Variants in PDE8B observed in about 807,000 individuals in gnomAD.
PDE8B encodes the protein phosphodiesterase 8B.
In PDE8B, 26 loss-of-function variants were observed where a neutral mutation model predicts 101.3. The ratio of observed to expected loss-of-function variants is 0.26; its 90% CI spans 0.19 to 0.36. PDE8B has a LOEUF of 0.36. Among genes scored for constraint, PDE8B ranks in the 10% least tolerant of loss-of-function variants. The probability of loss-of-function intolerance (pLI) is 1.00; values close to 1 mark genes in which losing one functional copy is unlikely to be tolerated. For missense variants in PDE8B, 810 were observed against 1,163.1 expected (o/e 0.70, Z 4.42); for synonymous variants, 424 against 429.3 (o/e 0.99, Z 0.15).
At chr5:77,127,458 G>A in the PDE8B span, among the ~76,000 whole-genome samples, 1 of 152,188 alleles carries the variant, frequency 6.6e-6, no homozygotes, top group East Asian at 1.9e-4. Context: ...CAGCTATGCA[G>A]AACTGTGAGT....
intron 2 of PDE8B, 60 bp from the exon 3 acceptor site, chr5:77,325,478 GT>G (rs1359737625): frequency 9.2e-6 from 14 of 1,517,884 alleles, no homozygotes; most frequent in Non-Finnish European, 1.3e-5. Flanking sequence ...CACTAGGCTT[GT>G]TTTTAATAGT....
chr5:77,089,993 A>C, the PDE8B span, among the ~76,000 whole-genome samples: 1 of 152,238 alleles, frequency 6.6e-6, no homozygotes, highest in Non-Finnish European at 1.5e-5. Context: ...TTGCAGCAAC[A>C]TGCAGGGAAC....
the PDE8B span, among the ~76,000 whole-genome samples, chr5:77,190,548 A>G: frequency 1.3e-5 from 2 of 152,230 alleles, no homozygotes; most frequent in Admixed American, 6.5e-5. Context: ...GTGAGGCTCA[A>G]TGAGAAGCCA....
chr5:77,284,498 T>A (rs1248422557), intron 1 of PDE8B, among the ~76,000 whole-genome samples: 1 of 152,188 alleles, frequency 6.6e-6, no homozygotes, highest in East Asian at 1.9e-4. Context: ...ACTTTTTGAT[T>A]GAAGAATAAT....
the PDE8B span, among the ~76,000 whole-genome samples, chr5:77,193,657 G>A: frequency 2.0e-5 from 3 of 152,026 alleles, no homozygotes; most frequent in African/African-American, 7.2e-5. Context: ...TAGGTCAATT[G>A]CATTTCTACA....
the PDE8B span, chr5:77,180,411 C>G: frequency 4.1e-6 from 4 of 981,512 alleles, no homozygotes; most frequent in African/African-American, 7.0e-5. Context: ...GCGCCAGGCA[C>G]GGGCACCACC....
chr5:77,161,447 T>C, the PDE8B span, among the ~76,000 whole-genome samples: 1 of 152,186 alleles, frequency 6.6e-6, no homozygotes, highest in Admixed American at 6.5e-5. Context: ...AATTTGATTA[T>C]CCATTCACCT....
At chr5:77,425,458 CAGA>C (rs1040792711) in intron 20 of PDE8B, among the ~76,000 whole-genome samples, 7 of 152,118 alleles carry the variant, frequency 4.6e-5, no homozygotes, top group African/African-American at 1.7e-4. Flanking sequence ...GAGGCTGAGG[CAGA>C]AGAATTGCTT....
rs146810753 is a variant in PDE8B at position 77,397,895 on chromosome 5, A to G, written c.1168-2353A>G. On this transcript the variant is annotated intron_variant, in intron 10 of 21. Transcript: ENST00000264917. ...TCAGCAACTCTCACAGTAAAAAGTA[A>G]TCTCTGTACCCCACCCCCCGCCTCC... 1.3e-3 allele frequency among the ~76,000 whole-genome samples: 193 copies of G among 152,180 alleles called. 1 individual carries two copies. The highest frequency in any genetic ancestry group is 4.3e-3 in the African/African-American group (179 of 41,512).
chr5:77,396,861 T>C (rs1791169332), intron 10 of PDE8B, among the ~76,000 whole-genome samples: 1 of 152,038 alleles, frequency 6.6e-6, no homozygotes, highest in Non-Finnish European at 1.5e-5. Flanking sequence ...TAACTCGTAG[T>C]AACCCTAATT....
At chr5:77,398,681 G>T (rs563822825) in intron 10 of PDE8B, among the ~76,000 whole-genome samples, 1 of 152,200 alleles carries the variant, frequency 6.6e-6, no homozygotes, top group South Asian at 2.1e-4. Context: ...TCATCTTACC[G>T]CACTGGCTGC....
intron 6 of PDE8B, among the ~76,000 whole-genome samples, chr5:77,337,605 G>A (rs1455615751): frequency 1.3e-5 from 2 of 152,098 alleles, no homozygotes; most frequent in African/African-American, 4.8e-5. Flanking sequence ...TCGAGATTAG[G>A]AATAGCCTTG....
chr5:77,179,411 C>T, the PDE8B span, among the ~76,000 whole-genome samples: 1 of 152,172 alleles, frequency 6.6e-6, no homozygotes, highest in South Asian at 2.1e-4. Flanking sequence ...CTTGCAAATG[C>T]TCTCTAGACC....
intron 19 of PDE8B, among the ~76,000 whole-genome samples, chr5:77,421,018 G>C (rs1240718036): frequency 6.6e-6 from 1 of 152,190 alleles, no homozygotes; most frequent in Non-Finnish European, 1.5e-5. Flanking sequence ...CAATTTGATG[G>C]TGTCTTTAAA....
chr5:77,241,995 C>G (rs1363671826), intron 1 of PDE8B, among the ~76,000 whole-genome samples: 2 of 152,210 alleles, frequency 1.3e-5, no homozygotes, highest in African/African-American at 4.8e-5. Context: ...CAAATTCACG[C>G]AAGGTGTATG....
the PDE8B span, among the ~76,000 whole-genome samples, chr5:77,102,490 A>C: frequency 2.0e-5 from 3 of 152,198 alleles, no homozygotes; most frequent in African/African-American, 7.2e-5. Context: ...GGATTAAATG[A>C]AGTGAGTTGC....
chr5:77,421,089 G>C (rs1385080511), intron 19 of PDE8B, among the ~76,000 whole-genome samples: 1 of 152,152 alleles, frequency 6.6e-6, no homozygotes, highest in Non-Finnish European at 1.5e-5. Flanking sequence ...GTACCAACTC[G>C]TGTCCTGGCC....
intron 1 of PDE8B, among the ~76,000 whole-genome samples, chr5:77,299,116 A>G (rs1769284990): frequency 6.6e-6 from 1 of 152,190 alleles, no homozygotes; most frequent in African/African-American, 2.4e-5. Flanking sequence ...TGCCTGTCTT[A>G]CACAAAGGCC....
chr5:77,325,233 T>A (rs1007263466), intron 2 of PDE8B, among the ~76,000 whole-genome samples: 1 of 152,210 alleles, frequency 6.6e-6, no homozygotes. Flanking sequence ...AGTGGTGCAA[T>A]CATGGTTCAC....
Sources: gnomAD v4.1 joint callset for allele counts (sites outside exome capture counted in the v4.1 genomes callset) on GRCh38, gnomAD v4.1.1 for gene constraint, MANE v1.5 for transcripts, NCBI Gene and HGNC (gene_info 2026-07-23, HGNC 2026-07-21) for gene names.